Variants in TRPC4 observed in about 807,000 individuals in gnomAD.
TRPC4 encodes the protein short transient receptor potential channel 4.
Under a neutral mutation model 99.4 loss-of-function variants are expected in TRPC4, and 49 were observed. The ratio of observed to expected loss-of-function variants is 0.49; its 90% CI spans 0.39 to 0.63. The LOEUF is 0.63. Among genes scored for constraint, TRPC4 ranks in the 20% least tolerant of loss-of-function variants. The pLI, the probability that TRPC4 is intolerant of heterozygous loss-of-function variation, is 0.00. For synonymous variants in TRPC4, 454 were observed against 425.9 expected (o/e 1.07, Z -0.81); for missense variants, 898 against 1,152.9 (o/e 0.78, Z 3.20).
intron 4 of TRPC4, among the ~76,000 whole-genome samples, chr13:37,687,279 TC>T (rs1299047706): frequency 6.6e-6 from 1 of 152,202 alleles, no homozygotes; most frequent in Admixed American, 6.5e-5. Context: ...TCTACTTCTT[TC>T]ATGAAAAGTG....
chr13:37,714,150 T>A (rs545994961), intron 3 of TRPC4, among the ~76,000 whole-genome samples: 17 of 151,964 alleles, frequency 1.1e-4, no homozygotes, highest in African/African-American at 4.1e-4. Context: ...CTCTCTTTTT[T>A]TTGTCTTACT....
chr13:37,862,987 C>T (rs1959485825), intron 1 of TRPC4, among the ~76,000 whole-genome samples: 1 of 151,414 alleles, frequency 6.6e-6, no homozygotes, highest in Non-Finnish European at 1.5e-5. Flanking sequence ...ACACAAATAC[C>T]TACCATTGTA....
At chr13:37,827,769 G>A (rs1958281653) in intron 1 of TRPC4, among the ~76,000 whole-genome samples, 2 of 151,938 alleles carry the variant, frequency 1.3e-5, no homozygotes, top group East Asian at 1.9e-4. Flanking sequence ...ACAGAGGCAG[G>A]CAGGCCTCCT....
rs1191556686 is a variant in TRPC4, at chr13:37,795,089, A to G, written c.-27-11729T>C. ...AAAATATGATCTTTCTTTAGATAAT[A>G]TGTATTTTTTAAAAGAATTAAACAC... On this transcript the variant is annotated intron_variant, in intron 1 of 10. Transcript: ENST00000379705. 2.0e-5 allele frequency among the ~76,000 whole-genome samples: 3 copies of G among 152,170 alleles called. No individual in the cohort carries two copies. The East Asian group carries it at 5.8e-4, about 29-fold the overall frequency.
intron 1 of TRPC4, among the ~76,000 whole-genome samples, chr13:37,794,730 A>G (rs1957204527): frequency 6.6e-6 from 1 of 152,166 alleles, no homozygotes; most frequent in Non-Finnish European, 1.5e-5. Context: ...AATGATCTCC[A>G]TGCTTCAATC....
intron 1 of TRPC4, among the ~76,000 whole-genome samples, chr13:37,790,650 T>C (rs1184747736): frequency 1.3e-5 from 2 of 152,170 alleles, no homozygotes; most frequent in African/African-American, 4.8e-5. Flanking sequence ...AATCATAAAC[T>C]ATTAGGTCAC....
chr13:37,801,803 G>C (rs1212624191), intron 1 of TRPC4, among the ~76,000 whole-genome samples: 1 of 139,342 alleles, frequency 7.2e-6, no homozygotes, highest in Non-Finnish European at 1.6e-5. Flanking sequence ...ACTCAAAAAG[G>C]CTCACAGATA....
chr13:37,797,430 G>A lies in TRPC4; in HGVS notation c.-27-14070C>T, dbSNP rs539206848. On this transcript the variant is annotated intron_variant, in intron 1 of 10. Coordinates refer to ENST00000379705, the MANE Select transcript of TRPC4 (RefSeq NM_016179.4). The stretch of plus-strand genomic sequence containing the variant: ...AAACCAGGAGGTTTAAACTCAGTGG[G>A]ATTGTTCTACATGACGATTCTCACT... Among the ~76,000 whole-genome samples the A allele has an allele frequency of 3.9e-5, 6 of 152,236 alleles. No individual in the cohort carries two copies. In the East Asian group the frequency reaches 9.6e-4, roughly 24 times the overall value.
At chr13:37,736,930 A>T (rs1418658351) in intron 3 of TRPC4, among the ~76,000 whole-genome samples, 1 of 139,082 alleles carries the variant, frequency 7.2e-6, no homozygotes, top group Non-Finnish European at 1.5e-5. Flanking sequence ...ACAAGGTTGC[A>T]CCGTGTTGCC....
At chr13:37,677,318 G>A (rs1453603440) in intron 4 of TRPC4, among the ~76,000 whole-genome samples, 1 of 151,976 alleles carries the variant, frequency 6.6e-6, no homozygotes, top group Non-Finnish European at 1.5e-5. Flanking sequence ...AGCAATGGGG[G>A]TAGGTTTCCA....
At chr13:37,642,951 C>T (rs1333970220) in intron 8 of TRPC4, among the ~76,000 whole-genome samples, 1 of 152,008 alleles carries the variant, frequency 6.6e-6, no homozygotes, top group African/African-American at 2.4e-5. Flanking sequence ...AGGCTGATCT[C>T]GAACTCCTGA....
At chr13:37,863,875 A>C (rs1357807587) in intron 1 of TRPC4, among the ~76,000 whole-genome samples, 1 of 151,656 alleles carries the variant, frequency 6.6e-6, no homozygotes, top group Non-Finnish European at 1.5e-5. Context: ...TATTTCACTC[A>C]TCTATTCAAA....
At chr13:37,717,465 T>G (rs184584319) in intron 3 of TRPC4, among the ~76,000 whole-genome samples, 1 of 152,248 alleles carries the variant, frequency 6.6e-6, no homozygotes. Flanking sequence ...CTGTCAGCTG[T>G]GGTGTGGCTG....
chr13:37,663,897 A>G (rs1043273686), intron 5 of TRPC4, among the ~76,000 whole-genome samples, 168 bp from the exon 6 acceptor site: 11 of 152,254 alleles, frequency 7.2e-5, no homozygotes, highest in African/African-American at 2.7e-4. Context: ...TGTAGGATAC[A>G]AATTACATAT....
chr13:37,778,251 G>T (rs922107657), intron 2 of TRPC4, among the ~76,000 whole-genome samples: 4 of 151,406 alleles, frequency 2.6e-5, no homozygotes, highest in African/African-American at 9.7e-5. Context: ...TTGTGATCTG[G>T]GACATATTAT....
At chr13:37,785,617 G>A (rs12868392) in intron 1 of TRPC4, among the ~76,000 whole-genome samples, 9,747 of 152,094 alleles carry the variant, frequency 0.064, 391 homozygotes, top group Non-Finnish European at 0.091. Context: ...ACACATGCAT[G>A]CACACATCAG....
At chr13:37,745,805 A>T in intron 3 of TRPC4, 132 bp downstream of exon 3, 1 of 962,172 alleles carries the variant, frequency 1.0e-6, no homozygotes, top group Non-Finnish European at 1.6e-6. Context: ...AATCCGGTAG[A>T]CAATAAATGT....
At chr13:37,791,276 G>A (rs1258722526) in intron 1 of TRPC4, among the ~76,000 whole-genome samples, 2 of 151,664 alleles carry the variant, frequency 1.3e-5, no homozygotes, top group African/African-American at 4.8e-5. Flanking sequence ...TGCACCTGTA[G>A]TCCCAGCTAC....
At position 37,636,943 on chromosome 13, in the gene TRPC4, T is replaced by C; in HGVS notation, c.2894A>G (p.Asp965Gly). 4.3e-6 allele frequency: 7 copies of C among 1,613,312 alleles called. No homozygotes were observed. Among genetic ancestry groups the C allele is most frequent in the Non-Finnish European group, 5.9e-6 (7 of 1,179,550 alleles). ...CACGTAATCTTCGTGGGTGACTGTG[T>C]CTGGGAGGTTTAGATCATAGTCTAT... ...SSIDYDLNLP[D>G]TVTHEDYVTT... The change falls in exon 11 of 11, where the codon GAC becomes GGC. Residue 965 changes from aspartate to glycine, a missense_variant. This residue lies in a region of TRPC4 where 346 missense variants were observed against 351.4 expected (regional missense o/e 0.98). Transcript: ENST00000379705.
Sources: gnomAD v4.1 joint callset for allele counts (sites outside exome capture counted in the v4.1 genomes callset) on GRCh38, gnomAD v4.1.1 for gene constraint, gnomAD v4.1.1 regional missense constraint, MANE v1.5 for transcripts, NCBI Gene and HGNC (gene_info 2026-07-23, HGNC 2026-07-21) for gene names.